SEMA3D: variants seen among roughly 807,000 people sequenced by gnomAD.
SEMA3D encodes semaphorin 3D.
A neutral mutation model predicts 100.1 loss-of-function variants in SEMA3D; 84 were observed. The observed-to-expected ratio is 0.84, with a 90% CI of 0.70 to 1.01. SEMA3D has a LOEUF of 1.01. SEMA3D is among the 50% of genes least tolerant of loss of function. SEMA3D has a pLI of 0.00. For synonymous variants in SEMA3D, 312 were observed against 320.7 expected (o/e 0.97, Z 0.29); for missense variants, 875 against 934.1 (o/e 0.94, Z 0.82).
At chr7:85,065,396 C>A in intron 8 of SEMA3D, 28 bp downstream of exon 8, 1 of 1,605,668 alleles carries the variant, frequency 6.2e-7, no homozygotes, top group South Asian at 1.1e-5. Context: ...GCAAGACAAT[C>A]AAAAGTAAAC....
intron 2 of SEMA3D, among the ~76,000 whole-genome samples, chr7:85,137,057 A>T (rs545728952): frequency 2.6e-5 from 4 of 152,234 alleles, no homozygotes; most frequent in East Asian, 1.9e-4. Flanking sequence ...GATTAACAAC[A>T]TACATAGACT....
chr7:85,196,852 G>A, the SEMA3D span, among the ~76,000 whole-genome samples: 1 of 152,088 alleles, frequency 6.6e-6, no homozygotes. Flanking sequence ...AGTTACTGAG[G>A]ATGGAAGTAT....
chr7:85,087,933 A>G (rs1241338106), intron 4 of SEMA3D, among the ~76,000 whole-genome samples: 1 of 152,142 alleles, frequency 6.6e-6, no homozygotes, highest in Non-Finnish European at 1.5e-5. Flanking sequence ...TGCCTCCTTA[A>G]ATAGGCTTTG....
chr7:85,109,721 T>G (rs1304457349), intron 3 of SEMA3D, among the ~76,000 whole-genome samples: 1 of 151,988 alleles, frequency 6.6e-6, no homozygotes, highest in African/African-American at 2.4e-5. Flanking sequence ...CTAAGGACAT[T>G]ATTTTTAAAA....
the SEMA3D span, among the ~76,000 whole-genome samples, chr7:85,206,766 G>A: frequency 7.2e-5 from 11 of 152,188 alleles, no homozygotes; most frequent in African/African-American, 2.6e-4. Context: ...GCCTGGAGAG[G>A]AGGAGGAAAA....
At chr7:85,022,866 T>C (rs1409687158) in intron 12 of SEMA3D, among the ~76,000 whole-genome samples, 4 of 151,906 alleles carry the variant, frequency 2.6e-5, no homozygotes, top group African/African-American at 9.7e-5. Context: ...TCTTTTCTTA[T>C]GAAGATTATT....
chr7:85,151,395 C>T (rs1183401560), intron 2 of SEMA3D, among the ~76,000 whole-genome samples: 1 of 151,742 alleles, frequency 6.6e-6, no homozygotes, highest in African/African-American at 2.4e-5. Context: ...TTTTCCCAAC[C>T]CCAAATTAAA....
At chr7:85,141,555 T>C (rs1583961552) in intron 2 of SEMA3D, 1 of 984,804 alleles carries the variant, frequency 1.0e-6, no homozygotes, top group East Asian at 1.1e-4. Context: ...AGGATAGTCT[T>C]AACTATTACT....
At position 85,056,878 on chromosome 7, in the gene SEMA3D, A is replaced by G. The variant is rs1791332468; in HGVS notation, c.719-1019T>C. On this transcript the variant is annotated intron_variant, in intron 8 of 18. Transcript: ENST00000284136. ...GATGTCATACTGAAATTTATATAGCATACATATACAGCATATATATATATA... is the reference window on the plus strand; with the variant it reads ...GATGTCATACTGAAATTTATATAGCGTACATATACAGCATATATATATATA... Among the ~76,000 whole-genome samples, 4 of 117,132 alleles carry G rather than the reference A, an allele frequency of 3.4e-5. No homozygotes were observed. The South Asian group carries it at 1.1e-3, about 32-fold the overall frequency. The allele number at this position is 117,132 out of a possible 152,430, so 76.8% of individuals were successfully genotyped here.
intron 6 of SEMA3D, among the ~76,000 whole-genome samples, chr7:85,072,616 A>C (rs1791806107): frequency 6.6e-6 from 1 of 152,214 alleles, no homozygotes; most frequent in Non-Finnish European, 1.5e-5. Flanking sequence ...AATAGAAAAA[A>C]CATTTTTAAA....
At chr7:85,110,835 T>C (rs2116364331) in intron 3 of SEMA3D, among the ~76,000 whole-genome samples, 1 of 152,172 alleles carries the variant, frequency 6.6e-6, no homozygotes, top group South Asian at 2.1e-4. Context: ...AAAAATTTCC[T>C]TAAGAGAATT....
chr7:85,057,758 C>A (rs905719417), intron 8 of SEMA3D, among the ~76,000 whole-genome samples: 2 of 151,908 alleles, frequency 1.3e-5, no homozygotes, highest in African/African-American at 4.8e-5. Flanking sequence ...TATGGTGCAA[C>A]CCTGTCTACT....
At chr7:85,052,485 A>C (rs1791193972) in intron 9 of SEMA3D, among the ~76,000 whole-genome samples, 2 of 151,908 alleles carry the variant, frequency 1.3e-5, no homozygotes, top group Admixed American at 6.6e-5. Flanking sequence ...AAACCAAAAC[A>C]AAAATAAAAA....
chr7:85,058,053 T>G (rs1267374195), intron 8 of SEMA3D, among the ~76,000 whole-genome samples: 1 of 152,224 alleles, frequency 6.6e-6, no homozygotes, highest in African/African-American at 2.4e-5. Context: ...TTTGCTTTAA[T>G]GCAAAGCTTT....
intron 8 of SEMA3D, among the ~76,000 whole-genome samples, chr7:85,062,392 A>G (rs1791502575): frequency 6.6e-6 from 1 of 152,202 alleles, no homozygotes; most frequent in African/African-American, 2.4e-5. Flanking sequence ...GACCTATAGG[A>G]AAATGGTAAC....
the SEMA3D span, among the ~76,000 whole-genome samples, chr7:85,246,780 C>A: frequency 2.6e-5 from 4 of 151,662 alleles, no homozygotes; most frequent in South Asian, 2.1e-4. Context: ...TAAAGAAATT[C>A]TTTTATTCAG....
chr7:85,003,188 A>G (rs1215983775), intron 18 of SEMA3D, among the ~76,000 whole-genome samples: 1 of 152,144 alleles, frequency 6.6e-6, no homozygotes, highest in Non-Finnish European at 1.5e-5. Context: ...AATCATTTGT[A>G]TACATGTTTT....
chr7:85,112,260 CCTTA>C (rs1477310646), intron 3 of SEMA3D, among the ~76,000 whole-genome samples: 5 of 152,188 alleles, frequency 3.3e-5, no homozygotes, highest in South Asian at 2.1e-4. Flanking sequence ...AAAGATATAG[CCTTA>C]CTTATTCATT....
At chr7:85,029,643 G>T (rs1404367230) in intron 12 of SEMA3D, 9 of 424,970 alleles carry the variant, frequency 2.1e-5, no homozygotes, top group Admixed American at 1.3e-4. Flanking sequence ...TGGTGGTAGA[G>T]CTCCTGCATC....
Sources: gnomAD v4.1 joint callset for allele counts (sites outside exome capture counted in the v4.1 genomes callset) on GRCh38, gnomAD v4.1.1 for gene constraint, MANE v1.5 for transcripts, NCBI Gene and HGNC (gene_info 2026-07-23, HGNC 2026-07-21) for gene names.